Variants in RNF217 observed in about 807,000 individuals in gnomAD.
RNF217 encodes E3 ubiquitin-protein ligase RNF217.
RNF217 carries 31 observed loss-of-function variants against 57.8 expected under a neutral mutation model. The observed-to-expected ratio is 0.54, with a 90% CI of 0.40 to 0.72. RNF217 has a LOEUF of 0.72. Ranked by LOEUF, RNF217 falls within the 30% of genes least tolerant of loss-of-function variation. The pLI, the probability that RNF217 is intolerant of heterozygous loss-of-function variation, is 0.00. For synonymous variants in RNF217, 313 were observed against 294.0 expected (o/e 1.06, Z -0.66); for missense variants, 696 against 708.3 (o/e 0.98, Z 0.20).
chr6:124,979,213 T>C (rs891016309), intron 1 of RNF217, among the ~76,000 whole-genome samples: 3 of 152,132 alleles, frequency 2.0e-5, no homozygotes, highest in African/African-American at 7.2e-5. Context: ...TTATTATCAA[T>C]TGTGTGATGC....
chr6:125,044,444 C>T (rs1432332695), intron 1 of RNF217, among the ~76,000 whole-genome samples: 3 of 152,064 alleles, frequency 2.0e-5, no homozygotes, highest in Non-Finnish European at 4.4e-5. Flanking sequence ...CTAAACATAT[C>T]TAGTACTCCA....
intron 1 of RNF217, among the ~76,000 whole-genome samples, chr6:124,984,471 A>T (rs1784297216): frequency 6.6e-6 from 1 of 151,018 alleles, no homozygotes; most frequent in South Asian, 2.1e-4. Flanking sequence ...ATCACCTGAG[A>T]CTGTGAGGTC....
chr6:125,001,435 T>C (rs180963344), intron 1 of RNF217, among the ~76,000 whole-genome samples: 139 of 152,274 alleles, frequency 9.1e-4, no homozygotes, highest in Non-Finnish European at 3.1e-4. Context: ...GCACAGAGAA[T>C]CCCGTATTAA....
chr6:124,978,955 G>T (rs1162451269), intron 1 of RNF217, among the ~76,000 whole-genome samples: 1 of 152,168 alleles, frequency 6.6e-6, no homozygotes, highest in Non-Finnish European at 1.5e-5. Flanking sequence ...GGCTTGGAAT[G>T]GGGGAATGCA....
chr6:125,075,847 G>A (rs10485341), intron 3 of RNF217, among the ~76,000 whole-genome samples: 69,788 of 151,886 alleles, frequency 0.46, 16,438 homozygotes, highest in Middle Eastern at 0.53. Flanking sequence ...ATCGCAAAGA[G>A]TAAAGTCTTG....
chr6:125,035,062 T>C (rs1786546059), intron 1 of RNF217, among the ~76,000 whole-genome samples: 1 of 152,166 alleles, frequency 6.6e-6, no homozygotes, highest in Non-Finnish European at 1.5e-5. Context: ...CCTGAGACTT[T>C]GCTGAAGTTG....
intron 3 of RNF217, among the ~76,000 whole-genome samples, chr6:125,073,245 C>T (rs962249279): frequency 3.3e-5 from 5 of 152,072 alleles, no homozygotes; most frequent in African/African-American, 4.8e-5. Context: ...GGCTGTTGGC[C>T]TGTGGTATTC....
chr6:125,030,182 TC>T lies in RNF217; in HGVS notation c.883-15024del, dbSNP rs1786292251. On this transcript the variant is annotated intron_variant, in intron 1 of 5. Coordinates refer to ENST00000521654, the MANE Select transcript of RNF217 (RefSeq NM_001286398.3). ...GACCAGCCTCCATGATTTAGTTACC[TC>T]CCCCTGGGTCCCTCCCACAACACGT... Among the ~76,000 whole-genome samples, 5 of 152,140 alleles carry T rather than the reference TC, an allele frequency of 3.3e-5. No homozygotes were observed. In the South Asian group the frequency reaches 1.0e-3, roughly 32 times the overall value.
In RNF217 at chr6:124,962,759, G is replaced by A. The variant is rs1783335667; in HGVS notation, c.215G>A (p.Ser72Asn). 13 of 1,592,304 alleles carry A rather than the reference G, an allele frequency of 8.2e-6. No homozygotes were observed. In the East Asian group the frequency reaches 1.3e-4, roughly 16 times the overall value. ...ACCAGCGCCCCAGAGCCCGCGAGGA[G>A]CCTGGGGCCCCCGGGCTGGAGTAAG... ...ADTSAPEPARSLGPPGWSKSR... is the reference protein window; with the variant it reads ...ADTSAPEPARNLGPPGWSKSR... The change falls in exon 1 of 6, where the codon AGC (serine) becomes AAC (asparagine). Residue 72 changes from serine to asparagine, a missense_variant. Ser to Asn is a conservative substitution (Grantham distance 46). Transcript: ENST00000521654. The surrounding 1 kb of genome is among the most constrained non-coding windows in gnomAD (Gnocchi z 4.6).
At chr6:125,028,130 A>G (rs1786188839) in intron 1 of RNF217, among the ~76,000 whole-genome samples, 1 of 152,062 alleles carries the variant, frequency 6.6e-6, no homozygotes, top group South Asian at 2.1e-4. Flanking sequence ...TTTTAACTTA[A>G]TGTGATCCCA....
At chr6:125,042,337 C>A (rs528515569) in intron 1 of RNF217, among the ~76,000 whole-genome samples, 1 of 152,022 alleles carries the variant, frequency 6.6e-6, no homozygotes. Context: ...TTAAGAGACT[C>A]ATATCCATTG....
chr6:125,024,994 C>A (rs1036940057), intron 1 of RNF217, among the ~76,000 whole-genome samples: 1 of 151,984 alleles, frequency 6.6e-6, no homozygotes, highest in Non-Finnish European at 1.5e-5. Flanking sequence ...ATAAATGCAA[C>A]CTCAGAGACT....
At chr6:124,970,849 A>G (rs1037062339) in intron 1 of RNF217, among the ~76,000 whole-genome samples, 1 of 152,234 alleles carries the variant, frequency 6.6e-6, no homozygotes, top group Non-Finnish European at 1.5e-5. Context: ...CCAGAAGCCA[A>G]AGACAGTGTT....
rs527432177 is a variant in RNF217 at position 125,080,527 on chromosome 6, A to G, written c.1484-909A>G. Among the ~76,000 whole-genome samples the G allele has an allele frequency of 2.6e-5, 4 of 152,196 alleles. No individual in the cohort carries two copies. The South Asian group carries it at 8.3e-4, about 32-fold the overall frequency. ...CATCCTTAAATTGCCTTGTGAGTCTACTGCAAAGTTTCTCTCTTTCTCATC... is the reference window on the plus strand; with the variant it reads ...CATCCTTAAATTGCCTTGTGAGTCTGCTGCAAAGTTTCTCTCTTTCTCATC... On this transcript the variant is annotated intron_variant, in intron 4 of 5. Coordinates refer to ENST00000521654, the MANE Select transcript of RNF217 (RefSeq NM_001286398.3).
chr6:125,072,247 C>G (rs1012527694), intron 3 of RNF217, among the ~76,000 whole-genome samples: 2 of 152,080 alleles, frequency 1.3e-5, no homozygotes, highest in African/African-American at 4.8e-5. Flanking sequence ...ATAAAATATT[C>G]ATATATAATC....
chr6:125,022,589 G>A (rs980982932), intron 1 of RNF217, among the ~76,000 whole-genome samples: 5 of 152,166 alleles, frequency 3.3e-5, no homozygotes, highest in African/African-American at 1.2e-4. Context: ...TGGGCTTCTG[G>A]CCTACATGTG....
chr6:124,974,871 C>T (rs1237340130), intron 1 of RNF217, among the ~76,000 whole-genome samples: 5 of 152,102 alleles, frequency 3.3e-5, no homozygotes, highest in Non-Finnish European at 5.9e-5. Context: ...GTTTATGTTT[C>T]CAGAAGCATA....
intron 1 of RNF217, among the ~76,000 whole-genome samples, chr6:124,972,440 C>T (rs1783798528): frequency 6.6e-6 from 1 of 152,100 alleles, no homozygotes; most frequent in African/African-American, 2.4e-5. Context: ...AAATGCTGGA[C>T]CAGTCTTGGC....
At chr6:124,974,909 A>G (rs1783904332) in intron 1 of RNF217, among the ~76,000 whole-genome samples, 1 of 152,164 alleles carries the variant, frequency 6.6e-6, no homozygotes, top group Non-Finnish European at 1.5e-5. Context: ...TCTTCCTGTT[A>G]GAGATCTGTA....
Sources: gnomAD v4.1 joint callset for allele counts (sites outside exome capture counted in the v4.1 genomes callset) on GRCh38, gnomAD v4.1.1 for gene constraint, Gnocchi (gnomAD v3.1) non-coding constraint, MANE v1.5 for transcripts, NCBI Gene and HGNC (gene_info 2026-07-23, HGNC 2026-07-21) for gene names.